A2M: variants seen among roughly 807,000 people sequenced by gnomAD.
A2M encodes C3 and PZP-like alpha-2-macroglobulin domain-containing protein 5.
In A2M, 128 loss-of-function variants were observed where a neutral mutation model predicts 183.9. The ratio of observed to expected loss-of-function variants is 0.70; its 90% confidence interval spans 0.60 to 0.81. The LOEUF (loss-of-function observed/expected upper bound fraction) is 0.81, where lower values mean the gene tolerates loss of function less well. Among genes scored for constraint, A2M ranks in the 30% least tolerant of loss-of-function variants. A2M has a pLI of 0.00. For missense variants in A2M, 1,495 were observed against 1,787.6 expected, an observed-to-expected ratio of 0.84 and a Z score of 2.95; for synonymous variants, 592 against 670.8, an observed-to-expected ratio of 0.88 and a Z score of 1.81.
rs1334800443 is a variant in A2M at position 9,089,916 on chromosome 12, G to A, written c.2704C>T (p.Pro902Ser). 6.2e-7 allele frequency: 1 copy of A among 1,611,132 alleles called. No individual in the cohort carries two copies. Among genetic ancestry groups the A allele is most frequent in the Non-Finnish European group, 8.5e-7 (1 of 1,178,104 alleles). ...EHGRKDTVIK[P>S]LLVEPEGLEK... is the part of the protein sequence containing the mutation. Reference sequence around the variant, plus strand: ...GGTTTACTTACTTCAACCAACAGAGGCTTGATGACTGTGTCTTTCCTTCCG... The same window carrying A: ...GGTTTACTTACTTCAACCAACAGAGACTTGATGACTGTGTCTTTCCTTCCG... The change falls in exon 21 of 36, where the codon CCT (proline) becomes TCT (serine). Residue 902 changes from proline (P) to serine (S), a missense_variant. Coordinates refer to ENST00000318602, the MANE Select transcript of A2M (RefSeq NM_000014.6).
Position 9,074,544 on chromosome 12 carries a change from T to C in A2M, c.3756+16A>G. ...CTACCTGAAGGTGAAATAAAAGGTT[T>C]TGGCAAATCACCAACCTGGGTGGAG... On this transcript the variant is annotated intron_variant, in intron 29 of 35. Coordinates refer to ENST00000318602, the MANE Select transcript of A2M (RefSeq NM_000014.6). The C allele has an allele frequency of 1.3e-6, 2 of 1,591,700 alleles. No individual in the cohort carries two copies. The highest frequency in any genetic ancestry group is 8.6e-7 in the Non-Finnish European group (1 of 1,167,560).
At position 9,094,339 on chromosome 12, in the gene A2M, G is replaced by GTA. The variant is rs1565592461; in HGVS notation, c.2125+633_2125+634insTA. ...CCAGCTCTCTGGAAAAAAAAATTGT[G>GTA]CATATATATATATATATATATATAT... On this transcript the variant is annotated intron_variant, in intron 17 of 35. Transcript: ENST00000318602. Among the ~76,000 whole-genome samples the GTA allele has an allele frequency of 4.0e-4, 26 of 65,252 alleles. No individual in the cohort carries two copies. The East Asian group carries it at 0.017, about 44-fold the overall frequency. 42.8% of individuals were successfully genotyped at this position (65,252 alleles called of 152,430 possible).
intron 22 of A2M, among the ~76,000 whole-genome samples, chr12:9,088,547 G>A (rs768203598): frequency 3.3e-5 from 5 of 152,196 alleles, no homozygotes; most frequent in Middle Eastern, 3.4e-3. Context: ...TATTTAGTAC[G>A]AAAAACATAC....
chr12:9,090,385 A>G lies in A2M; in HGVS notation c.2567T>C (p.Val856Ala). The G allele has an allele frequency of 6.2e-7, 1 of 1,614,046 alleles. No individual in the cohort carries two copies. Among genetic ancestry groups the G allele is most frequent in the Non-Finnish European group, 8.5e-7 (1 of 1,179,898 alleles). The change falls in exon 20 of 36, where the codon GTG (valine) becomes GCG (alanine). Residue 856 changes from valine to alanine, a missense_variant. Transcript: ENST00000318602. ...HCICANGRQT[V>A]SWAVTPKSLG... Reference sequence around the variant, plus strand: ...TGACTTTGGGGTTACTGCCCAGGACACAGTTTGCCGCCCGTTTGCACAGAT... The same window carrying G: ...TGACTTTGGGGTTACTGCCCAGGACGCAGTTTGCCGCCCGTTTGCACAGAT...
chr12:9,077,286 G>A (rs896430302), intron 27 of A2M, 60 bp downstream of exon 27: 1 of 1,442,590 alleles, frequency 6.9e-7, no homozygotes, highest in Admixed American at 1.8e-5. Flanking sequence ...TCAGACAGCA[G>A]GTCAGCAGTT....
At chr12:9,079,492 G>A in intron 24 of A2M, 147 bp downstream of exon 24, 2 of 1,032,914 alleles carry the variant, frequency 1.9e-6, no homozygotes, top group Non-Finnish European at 2.9e-6. Context: ...AGGTTGGAGA[G>A]TGGATAGTTT....
chr12:9,098,582 AT>A (rs1949455876), intron 15 of A2M, 24 bp downstream of exon 15: 1 of 1,578,512 alleles, frequency 6.3e-7, no homozygotes. Context: ...GCCCTTCTTG[AT>A]TCCTGAGGCT....
chr12:9,099,703 A>AT (rs1490144196), intron 13 of A2M, among the ~76,000 whole-genome samples, 180 bp from the exon 14 acceptor site: 5 of 152,156 alleles, frequency 3.3e-5, no homozygotes, highest in Admixed American at 3.3e-4. Flanking sequence ...TACTCTGTTG[A>AT]TTTTTCACCA....
At chr12:9,088,749 T>A (rs1196608759) in intron 22 of A2M, among the ~76,000 whole-genome samples, 2 of 152,182 alleles carry the variant, frequency 1.3e-5, no homozygotes, top group Admixed American at 1.3e-4. Context: ...GATATTAATA[T>A]GACAATAATG....
intron 28 of A2M, among the ~76,000 whole-genome samples, chr12:9,075,048 C>A (rs1263772763): frequency 2.0e-5 from 3 of 152,130 alleles, no homozygotes; most frequent in Non-Finnish European, 2.9e-5. Flanking sequence ...AAAGAAATGG[C>A]ACAGCAGTTG....
chr12:9,080,357 A>AT (rs1178130416), intron 22 of A2M, 180 bp from the exon 23 acceptor site: 2 of 387,768 alleles, frequency 5.2e-6, no homozygotes, highest in Non-Finnish European at 9.2e-6. Flanking sequence ...GTTTCCTGTG[A>AT]TTTTCAGAAT....
At chr12:9,071,628 G>T (rs1331286933) in intron 31 of A2M, among the ~76,000 whole-genome samples, 1 of 152,000 alleles carries the variant, frequency 6.6e-6, no homozygotes, top group Non-Finnish European at 1.5e-5. Context: ...GGTGTCTGTT[G>T]TTCTCCTTTT....
At chr12:9,100,373 A>C (rs1937732090) in intron 13 of A2M, among the ~76,000 whole-genome samples, 1 of 152,202 alleles carries the variant, frequency 6.6e-6, no homozygotes, top group Non-Finnish European at 1.5e-5. Context: ...AATCTGGAAT[A>C]AGCATAGATT....
chr12:9,105,708 T>C (rs1236706909), intron 10 of A2M, among the ~76,000 whole-genome samples: 1 of 152,192 alleles, frequency 6.6e-6, no homozygotes, highest in Admixed American at 6.5e-5. Flanking sequence ...TTTTACCCCA[T>C]GTTCACTGTT....
intron 11 of A2M, 125 bp downstream of exon 11, chr12:9,104,114 G>C: frequency 1.0e-6 from 1 of 963,716 alleles, no homozygotes; most frequent in African/African-American, 1.7e-5. Context: ...CCTTCAATCG[G>C]TTTCTAATTG....
At chr12:9,106,661 C>T in intron 8 of A2M, 56 bp from the exon 9 acceptor site, 1 of 885,540 alleles carries the variant, frequency 1.1e-6, no homozygotes, top group Non-Finnish European at 1.8e-6. Flanking sequence ...CTAAATAGAT[C>T]AGTGGTCAGA....
At chr12:9,104,902 A>G (rs1938169397) in intron 10 of A2M, among the ~76,000 whole-genome samples, 1 of 152,194 alleles carries the variant, frequency 6.6e-6, no homozygotes, top group Non-Finnish European at 1.5e-5. Flanking sequence ...TAAGTGCACA[A>G]GTAAACAATT....
chr12:9,099,118 C>T (rs1423121671), intron 14 of A2M, among the ~76,000 whole-genome samples: 2 of 152,098 alleles, frequency 1.3e-5, no homozygotes, highest in African/African-American at 4.8e-5. Flanking sequence ...TTACATATTT[C>T]CCAACGTTTC....
intron 32 of A2M, 121 bp downstream of exon 32, chr12:9,070,367 A>G (rs1283596477): frequency 2.8e-6 from 2 of 716,524 alleles, no homozygotes; most frequent in Non-Finnish European, 4.8e-6. Flanking sequence ...CTGAGCTGGA[A>G]AAAGGATAAG....
Sources: gnomAD v4.1 joint callset for allele counts (sites outside exome capture counted in the v4.1 genomes callset) on GRCh38, gnomAD v4.1.1 for gene constraint, MANE v1.5 for transcripts, NCBI Gene and HGNC (gene_info 2026-07-23, HGNC 2026-07-21) for gene names.